The following SRGAP1 variants were observed in gnomAD, a reference collection of about 807,000 sequenced individuals.
The protein encoded by SRGAP1 is SLIT-ROBO Rho GTPase-activating protein 1.
A neutral mutation model predicts 121.9 loss-of-function variants in SRGAP1; 43 were observed. The ratio of observed to expected loss-of-function variants is 0.35; its 90% CI spans 0.28 to 0.46. The LOEUF (loss-of-function observed/expected upper bound fraction) is 0.46, where lower values mean the gene tolerates loss of function less well. Ranked by LOEUF, SRGAP1 falls within the 20% of genes least tolerant of loss-of-function variation. The probability of loss-of-function intolerance (pLI) is 1.00; values close to 1 mark genes in which losing one functional copy is unlikely to be tolerated. For synonymous variants in SRGAP1, 447 were observed against 485.4 expected (o/e 0.92, Z 1.04); for missense variants, 1,102 against 1,350.9 (o/e 0.82, Z 2.89).
At chr12:64,104,875 C>G (rs942782122) in intron 15 of SRGAP1, among the ~76,000 whole-genome samples, 2 of 151,352 alleles carry the variant, frequency 1.3e-5, no homozygotes, top group African/African-American at 4.9e-5. Flanking sequence ...CCACAGGCCC[C>G]CTCATTCTTT....
chr12:64,109,096 C>A (rs983451579), intron 16 of SRGAP1, 59 bp downstream of exon 16: 15 of 1,171,184 alleles, frequency 1.3e-5, no homozygotes, highest in Non-Finnish European at 1.8e-5. Context: ...GTTCTTCGAT[C>A]CTGTAAAATG....
chr12:64,091,508 A>C (rs978738291), intron 12 of SRGAP1, 130 bp downstream of exon 12: 4 of 573,006 alleles, frequency 7.0e-6, no homozygotes, highest in South Asian at 3.9e-5. Flanking sequence ...CAGAAAATCA[A>C]TATAATATTT....
chr12:64,053,636 A>G (rs893216945), intron 6 of SRGAP1, among the ~76,000 whole-genome samples: 8 of 152,204 alleles, frequency 5.3e-5, no homozygotes, highest in Non-Finnish European at 1.2e-4. Flanking sequence ...ATATATTGCA[A>G]ATATTGGCCA....
rs1460645397 is a variant in SRGAP1 at position 64,142,708 on chromosome 12, TAAAA to T, written c.*39_*42del. On this transcript the variant is annotated 3_prime_UTR_variant, in exon 22 of 22. Transcript: ENST00000355086. ...AGCAAGGCCATAAAGGGAGGTGACT[TAAAA>T]AAGAAAATGGATTAGTGACAAAAGT... 1.9e-6 allele frequency: 3 copies of T among 1,565,042 alleles called. No homozygotes were observed. The highest frequency in any genetic ancestry group is 1.7e-6 in the Non-Finnish European group (2 of 1,155,234).
At chr12:64,137,222 G>C (rs961945016) in intron 21 of SRGAP1, among the ~76,000 whole-genome samples, 2 of 151,430 alleles carry the variant, frequency 1.3e-5, no homozygotes, top group East Asian at 2.0e-4. Flanking sequence ...CGAGATCACA[G>C]TATTGCATTG....
intron 1 of SRGAP1, among the ~76,000 whole-genome samples, chr12:63,913,194 CTTTTTTTTTTTTTTTTTT>C (rs759566545): frequency 3.4e-5 from 2 of 59,044 alleles, no homozygotes; most frequent in East Asian, 5.8e-4. Context: ...GTAAATCCTT[CTTTTTTTTTTTTTTTTTT>C]TTTTTTTTTT....
intron 1 of SRGAP1, among the ~76,000 whole-genome samples, chr12:63,915,112 AAAGTAT>A (rs1352928226): frequency 6.6e-6 from 1 of 152,252 alleles, no homozygotes; most frequent in Non-Finnish European, 1.5e-5. Context: ...GAGTCAAATA[AAAGTAT>A]ATTTGCTTTA....
rs753864735 is a variant in SRGAP1 at position 64,097,383 on chromosome 12, G to C, written c.1813+8G>C. On this transcript the variant is annotated splice_region_variant and intron_variant, in intron 15 of 21. Transcript: ENST00000355086. ...ATCTGATTTCTTGTATCAGTAAGTG[G>C]ACATTTTTTTCATCTTTTCCCACAA... The C allele has an allele frequency of 6.2e-7, 1 of 1,603,058 alleles. No homozygotes were observed.
intron 8 of SRGAP1, among the ~76,000 whole-genome samples, chr12:64,067,840 C>T (rs1264781080): frequency 6.6e-6 from 1 of 151,548 alleles, no homozygotes; most frequent in African/African-American, 2.4e-5. Context: ...TACTGAAGGT[C>T]CCCTGGGGCT....
intron 3 of SRGAP1, among the ~76,000 whole-genome samples, chr12:63,996,187 T>A (rs2033698625): frequency 6.6e-6 from 1 of 152,036 alleles, no homozygotes; most frequent in Non-Finnish European, 1.5e-5. Flanking sequence ...ATATTAACAC[T>A]AACTACTTTT....
intron 1 of SRGAP1, among the ~76,000 whole-genome samples, chr12:63,856,316 G>A (rs1380240203): frequency 1.3e-5 from 2 of 151,782 alleles, no homozygotes; most frequent in Non-Finnish European, 2.9e-5. Context: ...TTAATAAATA[G>A]AAGTTGTTCA....
chr12:63,857,127 T>TG (rs1428614412), intron 1 of SRGAP1, among the ~76,000 whole-genome samples: 2 of 134,470 alleles, frequency 1.5e-5, no homozygotes, highest in South Asian at 5.0e-4. Flanking sequence ...TTACCCAGGC[T>TG]GGAGTGCACT....
chr12:63,927,480 T>A (rs187758658), intron 1 of SRGAP1, among the ~76,000 whole-genome samples: 2 of 152,308 alleles, frequency 1.3e-5, no homozygotes, highest in African/African-American at 4.8e-5. Context: ...AGCTGCATAT[T>A]CCCTGTTTCT....
chr12:64,036,033 A>C (rs2034896039), intron 4 of SRGAP1, among the ~76,000 whole-genome samples: 1 of 152,200 alleles, frequency 6.6e-6, no homozygotes, highest in South Asian at 2.1e-4. Flanking sequence ...ATGGCACTGG[A>C]ACTCAAATCC....
chr12:64,067,237 T>A (rs1416721799), intron 8 of SRGAP1, among the ~76,000 whole-genome samples: 3 of 152,152 alleles, frequency 2.0e-5, no homozygotes, highest in Non-Finnish European at 4.4e-5. Flanking sequence ...AAGCACAGTG[T>A]CCTTATAAAC....
At chr12:64,010,019 A>G (rs922232443) in intron 3 of SRGAP1, among the ~76,000 whole-genome samples, 22 of 152,270 alleles carry the variant, frequency 1.4e-4, no homozygotes, top group Non-Finnish European at 1.6e-4. Context: ...GGAATGTATC[A>G]TAGAGACACA....
At position 64,028,569 on chromosome 12, in the gene SRGAP1, T is replaced by A. The variant is rs543996433; in HGVS notation, c.489+11557T>A. Among the ~76,000 whole-genome samples the A allele has an allele frequency of 2.0e-3, 307 of 152,298 alleles. 3 individuals are homozygous for A. The highest frequency in any genetic ancestry group is 7.0e-3 in the African/African-American group (290 of 41,566). On this transcript the variant is annotated intron_variant, in intron 4 of 21. Coordinates refer to ENST00000355086, the MANE Select transcript of SRGAP1 (RefSeq NM_020762.4). ...TAAACAACAGAAACTTATTTTCCAG[T>A]TCTAGAGCTGGGACATCCAAGATCA...
intron 12 of SRGAP1, 61 bp downstream of exon 12, chr12:64,091,439 C>T: frequency 4.7e-6 from 6 of 1,265,502 alleles, no homozygotes; most frequent in Non-Finnish European, 1.1e-6. Flanking sequence ...TGGTCTCAGC[C>T]TCTTGTAAGA....
intron 1 of SRGAP1, among the ~76,000 whole-genome samples, chr12:63,874,749 G>A (rs1899974431): frequency 6.6e-6 from 1 of 152,032 alleles, no homozygotes; most frequent in Non-Finnish European, 1.5e-5. Flanking sequence ...CTAGAAGAAT[G>A]CCTGGCCTTA....
Sources: gnomAD v4.1 joint callset for allele counts (sites outside exome capture counted in the v4.1 genomes callset) on GRCh38, gnomAD v4.1.1 for gene constraint, MANE v1.5 for transcripts, NCBI Gene and HGNC (gene_info 2026-07-23, HGNC 2026-07-21) for gene names.